TMEM185A: variants seen among roughly 807,000 people sequenced by gnomAD.
TMEM185A encodes family with sequence similarity 11, member A.
Under a neutral mutation model 25.0 loss-of-function variants are expected in TMEM185A, and 9 were observed. The ratio of observed to expected loss-of-function variants is 0.36; its 90% confidence interval spans 0.22 to 0.63. The LOEUF (loss-of-function observed/expected upper bound fraction) is 0.63. Among genes scored for constraint, TMEM185A ranks in the 20% least tolerant of loss-of-function variants. The pLI is 0.68. For missense variants in TMEM185A, 103 were observed against 237.4 expected (o/e 0.43, Z 3.72); for synonymous variants, 45 against 93.5 (o/e 0.48, Z 2.99).
intron 2 of TMEM185A, among the ~76,000 whole-genome samples, chrX:149,610,098 T>C (rs1305852339): frequency 9.0e-6 from 1 of 111,341 alleles, no homozygotes; most frequent in Non-Finnish European, 1.9e-5. Context: ...ATTTACACAA[T>C]CTGAATCATT....
intron 1 of TMEM185A, among the ~76,000 whole-genome samples, chrX:149,621,085 A>G (rs1349133446): frequency 1.8e-5 from 2 of 112,427 alleles, no homozygotes; most frequent in Non-Finnish European, 3.8e-5. Flanking sequence ...AGACTATTTA[A>G]AAAAGAAATT....
At chrX:149,628,244 G>C (rs1557356253) in intron 1 of TMEM185A, among the ~76,000 whole-genome samples, 1 of 111,390 alleles carries the variant, frequency 9.0e-6, no homozygotes, top group Admixed American at 9.5e-5. Context: ...CTCCCCCAAA[G>C]TAGCAGAAAA....
intron 2 of TMEM185A, among the ~76,000 whole-genome samples, chrX:149,610,893 G>C (rs1477530366): frequency 8.9e-6 from 1 of 112,195 alleles, no homozygotes; most frequent in African/African-American, 3.2e-5. Context: ...GGGACTAGGA[G>C]GGTGGGACAA....
chrX:149,619,349 C>T (rs782313139), intron 1 of TMEM185A, among the ~76,000 whole-genome samples: 26 of 111,811 alleles, frequency 2.3e-4, no homozygotes, highest in African/African-American at 7.8e-4. Context: ...TACAACTTTT[C>T]AAAAATTCTG....
At chrX:149,630,442 T>C (rs1344033457) in intron 1 of TMEM185A, among the ~76,000 whole-genome samples, 1 of 111,925 alleles carries the variant, frequency 8.9e-6, no homozygotes, top group East Asian at 2.8e-4. Flanking sequence ...CACCCCATGC[T>C]GAGACCGCCA....
intron 1 of TMEM185A, among the ~76,000 whole-genome samples, chrX:149,625,645 G>A (rs893629719): frequency 8.9e-6 from 1 of 112,289 alleles, no homozygotes; most frequent in Non-Finnish European, 1.9e-5. Flanking sequence ...TCAGAGCCAA[G>A]GTTAGTGAAT....
chrX:149,609,751 A>T lies in TMEM185A; in HGVS notation c.216-917T>A, dbSNP rs188949746. ...ACTGGTTAATGTTAACATGAGAATG[A>T]CCACGCCTGTACATTCCTTACATTC... On this transcript the variant is annotated intron_variant, in intron 2 of 6. Coordinates refer to ENST00000600449, the MANE Select transcript of TMEM185A (RefSeq NM_032508.4). Among the ~76,000 whole-genome samples, 101 of 112,456 alleles carry T rather than the reference A, an allele frequency of 9.0e-4. 1 individual carries two copies. The highest frequency in any genetic ancestry group is 1.2e-3 in the Non-Finnish European group (66 of 53,262).
At chrX:149,631,350 G>A (rs1457279512) in intron 1 of TMEM185A, among the ~76,000 whole-genome samples, 193 bp downstream of exon 1, 1 of 111,340 alleles carries the variant, frequency 9.0e-6, no homozygotes. Flanking sequence ...ACCGGGCACG[G>A]GAGGAGGAAG....
chrX:149,604,134 GGT>G (rs2090032638), intron 3 of TMEM185A, 64 bp from the exon 4 acceptor site: 3 of 760,489 alleles, frequency 3.9e-6, no homozygotes, highest in Non-Finnish European at 4.0e-6. Context: ...GCAGTAATTT[GGT>G]TAACACACTA....
In TMEM185A at chrX:149,631,257, G is replaced by A. The variant is rs2090190164; in HGVS notation, c.38+286C>T. On this transcript the variant is annotated intron_variant, in intron 1 of 6. Coordinates refer to ENST00000600449, the MANE Select transcript of TMEM185A (RefSeq NM_032508.4). ...TTGGGACACCAATGAGGGACAGCAA[G>A]CAGAAAAGAATGGGGTTCCCTTGGG... 2.7e-5 allele frequency among the ~76,000 whole-genome samples: 3 copies of A among 110,024 alleles called. No individual in the cohort carries two copies. In the Admixed American group the frequency reaches 2.8e-4, roughly 10 times the overall value.
rs150113040 is a variant in TMEM185A, at chrX:149,608,696, C to T, written c.354G>A (p.Pro118=). ...GSHFWLLVFM[P]LFFVSPVSVA... ...CAGACACCGGGGAAACAAAGAACAGCGGCATGAAGACCAGGAGCCAGAAAT... is the reference window on the plus strand; with the variant it reads ...CAGACACCGGGGAAACAAAGAACAGTGGCATGAAGACCAGGAGCCAGAAAT... The change falls in exon 3 of 7, where the codon CCG becomes CCA. Residue 118 remains proline (P), a synonymous_variant. Coordinates refer to ENST00000600449, the MANE Select transcript of TMEM185A (RefSeq NM_032508.4). 106 of 1,210,160 alleles carry T rather than the reference C, an allele frequency of 8.8e-5. 1 individual carries two copies. In the Admixed American group the frequency reaches 1.2e-3, roughly 14 times the overall value.
intron 3 of TMEM185A, among the ~76,000 whole-genome samples, chrX:149,605,378 T>C (rs1002598351): frequency 4.1e-5 from 4 of 97,557 alleles, no homozygotes; most frequent in Admixed American, 2.1e-4. Flanking sequence ...TCACTTTCTA[T>C]AGCCTCCCAT....
At chrX:149,602,352 T>G (rs915817462) in intron 4 of TMEM185A, 1 of 112,538 alleles carries the variant, frequency 8.9e-6, no homozygotes, top group Non-Finnish European at 1.9e-5. Flanking sequence ...CTATGTTATT[T>G]CCTAACAGAT....
chrX:149,620,673 G>T (rs1557355452), intron 1 of TMEM185A, among the ~76,000 whole-genome samples: 1 of 111,633 alleles, frequency 9.0e-6, no homozygotes, highest in Non-Finnish European at 1.9e-5. Context: ...TTATAATTTT[G>T]ACTTTGCAGA....
rs2090193676 is a variant in TMEM185A, at chrX:149,631,625, C to T, written c.-45G>A. On this transcript the variant is annotated 5_prime_UTR_variant, in exon 1 of 7. Coordinates refer to ENST00000600449, the MANE Select transcript of TMEM185A (RefSeq NM_032508.4). Reference sequence around the variant, plus strand: ...GCGTCCTCCTCCTCCTCCCCCGCACCCCGTGCTGCACAGCCTGCGCCTTAC... The same window carrying T: ...GCGTCCTCCTCCTCCTCCCCCGCACTCCGTGCTGCACAGCCTGCGCCTTAC... 1 of 1,123,122 alleles carries T rather than the reference C, an allele frequency of 8.9e-7. No individual in the cohort carries two copies. Among genetic ancestry groups the T allele is most frequent in the Admixed American group, 2.7e-5 (1 of 37,189 alleles). The allele number at this position is 1,123,122 out of a possible 1,213,427, so 92.6% of individuals were successfully genotyped here. A position where few individuals can be genotyped will look rare whatever the true frequency, so the allele number is the denominator to read the frequency against.
At chrX:149,622,183 T>C (rs1052997673) in intron 1 of TMEM185A, among the ~76,000 whole-genome samples, 1 of 112,573 alleles carries the variant, frequency 8.9e-6, no homozygotes, top group Admixed American at 9.4e-5. Context: ...AGCAACAATT[T>C]ACTATCTTTA....
intron 3 of TMEM185A, among the ~76,000 whole-genome samples, chrX:149,604,711 T>C (rs1490348691): frequency 9.0e-6 from 1 of 111,266 alleles, no homozygotes; most frequent in Non-Finnish European, 1.9e-5. Flanking sequence ...GCCCCTACTA[T>C]CTCATCTACC....
chrX:149,615,868 C>G (rs1356490893), intron 1 of TMEM185A, among the ~76,000 whole-genome samples: 1 of 112,092 alleles, frequency 8.9e-6, no homozygotes, highest in Non-Finnish European at 1.9e-5. Context: ...TGTGGGGAAG[C>G]TAATAAACAA....
intron 3 of TMEM185A, among the ~76,000 whole-genome samples, chrX:149,605,587 C>CTTTCTATAGCCTCCCATGTCAT (rs2090046835): frequency 8.9e-6 from 1 of 111,733 alleles, no homozygotes; most frequent in Non-Finnish European, 1.9e-5. Context: ...TCCCATGTCA[C>CTTTCTATAGCCTCCCATGTCAT]TTGGAGGCAC....
Sources: allele counts gnomAD v4.1 joint callset (sites outside exome capture counted in the v4.1 genomes callset), GRCh38; gene constraint gnomAD v4.1.1; transcripts MANE v1.5; gene names NCBI Gene and HGNC (gene_info 2026-07-23, HGNC 2026-07-21).